The following PCDH11X variants were observed in gnomAD, a reference collection of about 807,000 sequenced individuals.
The protein encoded by PCDH11X is protocadherin-11 X-linked.
PCDH11X carries 18 observed loss-of-function variants against 53.3 expected under a neutral mutation model. The ratio of observed to expected loss-of-function variants is 0.34; its 90% CI spans 0.23 to 0.50. The LOEUF is 0.50. Ranked by LOEUF, PCDH11X falls within the 20% of genes least tolerant of loss-of-function variation. PCDH11X has a pLI of 0.98. For synonymous variants in PCDH11X, 279 were observed against 393.3 expected (o/e 0.71, Z 3.44); for missense variants, 570 against 1,032.4 (o/e 0.55, Z 6.14).
At chrX:92,089,805 G>A (rs1311505724) in intron 6 of PCDH11X, among the ~76,000 whole-genome samples, 1 of 109,381 alleles carries the variant, frequency 9.1e-6, no homozygotes, top group East Asian at 2.9e-4. Flanking sequence ...TTACAGGCAT[G>A]AGCCATCGTG....
chrX:91,811,858 G>A (rs1936303411), intron 4 of PCDH11X, among the ~76,000 whole-genome samples: 1 of 98,667 alleles, frequency 1.0e-5, no homozygotes, highest in Admixed American at 1.1e-4. Context: ...AAACAAGAGA[G>A]TATTCTAATG....
At chrX:91,850,363 A>C (rs182645997) in intron 5 of PCDH11X, among the ~76,000 whole-genome samples, 1 of 111,034 alleles carries the variant, frequency 9.0e-6, no homozygotes, top group East Asian at 2.8e-4. Context: ...GTAGCCTTGC[A>C]TACATTTTAA....
At chrX:92,459,707 A>C in intron 9 of PCDH11X, 1 of 1,104,955 alleles carries the variant, frequency 9.1e-7, no homozygotes, top group Non-Finnish European at 1.2e-6. Context: ...ACCAACTACC[A>C]GTCACTGGGC....
In PCDH11X at chrX:92,423,426, C is replaced by G. The variant is rs148668995; in HGVS notation, c.3343+35493C>G. Reference sequence around the variant, plus strand: ...GTGTATAGATTGCAAAGATTTTCTTCCACTCTGAGGGTTGTCTGTTTACTC... The same window carrying G: ...GTGTATAGATTGCAAAGATTTTCTTGCACTCTGAGGGTTGTCTGTTTACTC... On this transcript the variant is annotated intron_variant, in intron 9 of 10. Coordinates refer to ENST00000682573, the MANE Select transcript of PCDH11X (RefSeq NM_032968.5). Among the ~76,000 whole-genome samples the G allele has an allele frequency of 4.2e-5, 4 of 94,137 alleles. 1 individual carries two copies. Among genetic ancestry groups the G allele is most frequent in the Non-Finnish European group, 9.4e-5 (4 of 42,772 alleles). The allele number at this position is 94,137 out of a possible 115,157, so 81.7% of individuals were successfully genotyped here.
intron 6 of PCDH11X, among the ~76,000 whole-genome samples, chrX:92,109,262 T>C (rs1273991759): frequency 9.0e-6 from 1 of 110,639 alleles, no homozygotes; most frequent in East Asian, 2.9e-4. Flanking sequence ...TCCCAGCTAC[T>C]CTGGAGGCTG....
chrX:92,214,558 C>T (rs980878141), intron 7 of PCDH11X, among the ~76,000 whole-genome samples: 1 of 111,697 alleles, frequency 9.0e-6, no homozygotes, highest in African/African-American at 3.3e-5. Flanking sequence ...CTAAAGTGAG[C>T]GTATGGGAGA....
chrX:92,345,433 A>C, intron 8 of PCDH11X, among the ~76,000 whole-genome samples: 1 of 110,579 alleles, frequency 9.0e-6, no homozygotes, highest in Admixed American at 9.7e-5. Flanking sequence ...AACCACAGAG[A>C]AAATGACTTA....
chrX:92,178,039 G>C (rs1458587823), intron 6 of PCDH11X, among the ~76,000 whole-genome samples: 1 of 110,795 alleles, frequency 9.0e-6, no homozygotes, highest in Non-Finnish European at 1.9e-5. Flanking sequence ...AGAAGCCTTG[G>C]ATAAATGAAT....
chrX:91,882,820 A>G (rs1321257725), intron 6 of PCDH11X: 9 of 1,141,211 alleles, frequency 7.9e-6, no homozygotes, highest in Middle Eastern at 2.5e-4. Context: ...TGGTAATGCA[A>G]ATTTTAACCA....
At chrX:92,265,080 G>A (rs2067798754) in intron 8 of PCDH11X, among the ~76,000 whole-genome samples, 1 of 108,898 alleles carries the variant, frequency 9.2e-6, no homozygotes, top group South Asian at 4.1e-4. Context: ...TTTTTTGGAG[G>A]TAGGGGATGG....
At chrX:91,804,741 T>C (rs1936041308) in intron 1 of PCDH11X, among the ~76,000 whole-genome samples, 1 of 111,263 alleles carries the variant, frequency 9.0e-6, no homozygotes, top group African/African-American at 3.3e-5. Context: ...AAATGGTTCA[T>C]ATAATAATAG....
At chrX:91,886,193 T>TA (rs2147752736) in intron 6 of PCDH11X, among the ~76,000 whole-genome samples, 1 of 111,805 alleles carries the variant, frequency 8.9e-6, no homozygotes, top group South Asian at 3.7e-4. Context: ...TTCTCAGATA[T>TA]CTCCAACCTT....
chrX:91,801,990 T>G (rs1199380528), intron 1 of PCDH11X, among the ~76,000 whole-genome samples: 1 of 113,601 alleles, frequency 8.8e-6, no homozygotes, highest in Non-Finnish European at 1.9e-5. Context: ...GAGAAAATGC[T>G]TCACTGAAAT....
chrX:92,548,003 TA>T (rs1199428027), intron 10 of PCDH11X, among the ~76,000 whole-genome samples: 1 of 110,369 alleles, frequency 9.1e-6, no homozygotes, highest in Non-Finnish European at 1.9e-5. Flanking sequence ...TCAATATATG[TA>T]AAAGGTGATT....
intron 10 of PCDH11X, among the ~76,000 whole-genome samples, chrX:92,513,069 G>A (rs1158858353): frequency 1.8e-5 from 2 of 110,026 alleles, no homozygotes; most frequent in African/African-American, 6.6e-5. Flanking sequence ...ATTTAGGGTG[G>A]TGCTTATTCA....
chrX:91,875,383 T>C (rs1266697140), intron 5 of PCDH11X, among the ~76,000 whole-genome samples: 10 of 104,484 alleles, frequency 9.6e-5, no homozygotes, highest in Non-Finnish European at 1.6e-4. Flanking sequence ...CTGGGGTTCA[T>C]GCCATTCTCC....
intron 6 of PCDH11X, among the ~76,000 whole-genome samples, chrX:92,025,158 C>CA (rs34080755): frequency 4.6e-4 from 50 of 108,554 alleles, no homozygotes; most frequent in East Asian, 1.5e-3. Flanking sequence ...TTCTGCACAG[C>CA]AAAAAAAAAC....
chrX:92,031,980 G>T (rs1436543766), intron 6 of PCDH11X, among the ~76,000 whole-genome samples: 2 of 111,415 alleles, frequency 1.8e-5, no homozygotes, highest in African/African-American at 3.3e-5. Flanking sequence ...TTTGGTGTTC[G>T]CATATAAATT....
chrX:92,078,546 T>A (rs2063809751), intron 6 of PCDH11X, among the ~76,000 whole-genome samples: 1 of 111,136 alleles, frequency 9.0e-6, no homozygotes, highest in Non-Finnish European at 1.9e-5. Context: ...ATGAGGGCAG[T>A]TATAAAAAGG....
Sources: gnomAD v4.1 joint callset for allele counts (sites outside exome capture counted in the v4.1 genomes callset) on GRCh38, gnomAD v4.1.1 for gene constraint, MANE v1.5 for transcripts, NCBI Gene and HGNC (gene_info 2026-07-23, HGNC 2026-07-21) for gene names.